EFR3B: variants seen among roughly 807,000 people sequenced by gnomAD.
EFR3B encodes the protein protein EFR3 homolog B.
In EFR3B, 64 loss-of-function variants were observed where a neutral mutation model predicts 104.7. The ratio of observed to expected loss-of-function variants is 0.61; its 90% CI spans 0.50 to 0.75. EFR3B has a LOEUF of 0.75. Ranked by LOEUF, EFR3B falls within the 30% of genes least tolerant of loss-of-function variation. EFR3B has a pLI of 0.00. For missense variants in EFR3B, 750 were observed against 1,078.5 expected, an observed-to-expected ratio of 0.70 and a Z score of 4.27; for synonymous variants, 385 against 417.9, an observed-to-expected ratio of 0.92 and a Z score of 0.96.
At chr2:25,126,679 A>T (rs1399264755) in intron 5 of EFR3B, among the ~76,000 whole-genome samples, 1 of 151,214 alleles carries the variant, frequency 6.6e-6, no homozygotes, top group Non-Finnish European at 1.5e-5. Context: ...AATTTTTTGT[A>T]GAGATGAGAT....
At chr2:25,074,552 G>A (rs576283259) in intron 1 of EFR3B, among the ~76,000 whole-genome samples, 3 of 151,176 alleles carry the variant, frequency 2.0e-5, no homozygotes, top group East Asian at 1.9e-4. Flanking sequence ...GTGACAGAGC[G>A]AGACTCCATC....
chr2:25,157,422 C>T lies in EFR3B; in HGVS notation c.*3082C>T, dbSNP rs2149217229. 2 of 152,460 alleles carry T rather than the reference C, an allele frequency of 1.3e-5. No individual in the cohort carries two copies. The highest frequency in any genetic ancestry group is 4.1e-4 in the South Asian group (2 of 4,824). 9.4% of individuals were successfully genotyped at this position (152,460 alleles called of 1,614,324 possible). ...ATGGGATCTGGAGGGGAGGGAGGTA[C>T]CCTGGCCCTTGGTCTAGCATCAGTG... On this transcript the variant is annotated 3_prime_UTR_variant, in exon 23 of 23. Transcript: ENST00000403714.
In EFR3B at chr2:25,114,029, A is replaced by G. The variant is rs1669794975; in HGVS notation, c.364-7644A>G. Among the ~76,000 whole-genome samples the G allele has an allele frequency of 6.6e-6, 1 of 152,158 alleles. No homozygotes were observed. ...AATCATAGCACTACACTGCCTCTTT[A>G]AGAGGGAAAAGGGCTTACTCGCTCT... On this transcript the variant is annotated intron_variant, in intron 4 of 22. Coordinates refer to ENST00000403714, the MANE Select transcript of EFR3B (RefSeq NM_014971.2). The surrounding 1 kb of genome is among the most constrained non-coding windows in gnomAD (Gnocchi z 4.0).
At chr2:25,101,084 G>T (rs1216480131) in intron 3 of EFR3B, among the ~76,000 whole-genome samples, 1 of 152,202 alleles carries the variant, frequency 6.6e-6, no homozygotes, top group Non-Finnish European at 1.5e-5. Context: ...GCTATTTAGA[G>T]TATAAAGAAA....
intron 3 of EFR3B, among the ~76,000 whole-genome samples, chr2:25,093,883 A>G (rs911793959): frequency 5.9e-5 from 9 of 152,220 alleles, no homozygotes; most frequent in African/African-American, 2.2e-4. Context: ...ATATTTATCA[A>G]TCTTCTGAAA....
chr2:25,118,307 A>G (rs1669918556), intron 4 of EFR3B, among the ~76,000 whole-genome samples: 2 of 152,168 alleles, frequency 1.3e-5, no homozygotes, highest in Admixed American at 6.5e-5. Context: ...GATTGCACAT[A>G]TGAGTGAGAT....
intron 12 of EFR3B, among the ~76,000 whole-genome samples, chr2:25,133,935 C>T (rs969562192): frequency 6.6e-6 from 1 of 152,170 alleles, no homozygotes; most frequent in Admixed American, 6.5e-5. Context: ...AACACCATTC[C>T]GATGACAGTC....
At chr2:25,081,923 T>C (rs575352146) in intron 1 of EFR3B, among the ~76,000 whole-genome samples, 28 of 151,962 alleles carry the variant, frequency 1.8e-4, no homozygotes, top group Non-Finnish European at 3.7e-4. Flanking sequence ...GTTTGAGACT[T>C]TGTTTGTTTC....
chr2:25,062,323 G>A (rs1668218890), intron 1 of EFR3B, among the ~76,000 whole-genome samples: 1 of 152,230 alleles, frequency 6.6e-6, no homozygotes, highest in African/African-American at 2.4e-5. Context: ...GACTTTGTGA[G>A]GGGATTAGCA....
In EFR3B at chr2:25,131,533, G is replaced by T. The variant is rs1251080706; in HGVS notation, c.985+30G>T. The T allele has an allele frequency of 1.3e-6, 2 of 1,544,980 alleles. No individual in the cohort carries two copies. Among genetic ancestry groups the T allele is most frequent in the African/African-American group, 1.4e-5 (1 of 72,988 alleles). On this transcript the variant is annotated intron_variant, in intron 9 of 22. Coordinates refer to ENST00000403714, the MANE Select transcript of EFR3B (RefSeq NM_014971.2). This position sits in a 1 kb window ranked among gnomAD's most constrained non-coding sequence, Gnocchi z 7.6. ...GGGGCATGGCTAGGGCCTGAGGGCC[G>T]GGGACCCCGCGGAGGCTGCCGCCTC... is the stretch of plus-strand genomic sequence containing the variant.
rs571094273 is a variant in EFR3B, at chr2:25,149,314, C to T, written c.2143-380C>T. Reference sequence around the variant, plus strand: ...AGTGAGCCAAGATCATGCCACTACACTCCAGCCTGGGCGACAGAGTAAGAC... The same window carrying T: ...AGTGAGCCAAGATCATGCCACTACATTCCAGCCTGGGCGACAGAGTAAGAC... On this transcript the variant is annotated intron_variant, in intron 19 of 22. Transcript: ENST00000403714. Among the ~76,000 whole-genome samples the T allele has an allele frequency of 1.6e-4, 25 of 152,324 alleles. No homozygotes were observed. In the South Asian group the frequency reaches 5.0e-3, roughly 30 times the overall value.
At chr2:25,044,244 G>A (rs935954407) in intron 1 of EFR3B, among the ~76,000 whole-genome samples, 8 of 152,348 alleles carry the variant, frequency 5.3e-5, no homozygotes, top group Admixed American at 5.2e-4. Context: ...AGCTTGGGTG[G>A]GAAATTACTA....
Position 25,113,564 on chromosome 2 carries a change from A to T in EFR3B, c.364-8109A>T, listed in dbSNP as rs969927231. ...GCGCCTGTAGTGCCAGCTACTCGGGAGGCTGAGTCAGGAGAATGGCATGAA... is the reference window on the plus strand; with the variant it reads ...GCGCCTGTAGTGCCAGCTACTCGGGTGGCTGAGTCAGGAGAATGGCATGAA... On this transcript the variant is annotated intron_variant, in intron 4 of 22. Transcript: ENST00000403714. Among the ~76,000 whole-genome samples the T allele has an allele frequency of 1.6e-4, 25 of 151,754 alleles. 2 individuals are homozygous for T. The highest frequency in any genetic ancestry group is 1.5e-3 in the Admixed American group (23 of 15,252).
At chr2:25,124,811 C>T (rs1670121248) in intron 5 of EFR3B, among the ~76,000 whole-genome samples, 1 of 146,818 alleles carries the variant, frequency 6.8e-6, no homozygotes, top group Non-Finnish European at 1.5e-5. Context: ...ATGGCCAGCA[C>T]TTTGGGAGGC....
chr2:25,131,600 C>T lies in EFR3B; in HGVS notation c.985+97C>T. The T allele has an allele frequency of 6.6e-7, 1 of 1,509,536 alleles. No homozygotes were observed. The highest frequency in any genetic ancestry group is 8.9e-7 in the Non-Finnish European group (1 of 1,123,310). 93.5% of individuals were successfully genotyped at this position (1,509,536 alleles called of 1,614,324 possible). A position where few individuals can be genotyped will look rare whatever the true frequency, so the allele number is the denominator to read the frequency against. Reference sequence around the variant, plus strand: ...GGGACAACAGGGAGGGGTCGGAGTCCGTTTTCCTCGGGAGAAGTCCGCCAG... The same window carrying T: ...GGGACAACAGGGAGGGGTCGGAGTCTGTTTTCCTCGGGAGAAGTCCGCCAG... On this transcript the variant is annotated intron_variant, in intron 9 of 22. Coordinates refer to ENST00000403714, the MANE Select transcript of EFR3B (RefSeq NM_014971.2). The surrounding 1 kb of genome is among the most constrained non-coding windows in gnomAD (Gnocchi z 7.6).
At chr2:25,079,722 T>C (rs987341954) in intron 1 of EFR3B, among the ~76,000 whole-genome samples, 1 of 152,240 alleles carries the variant, frequency 6.6e-6, no homozygotes, top group Non-Finnish European at 1.5e-5. Context: ...CATTATAGGT[T>C]CTTTATACAA....
intron 1 of EFR3B, among the ~76,000 whole-genome samples, chr2:25,069,565 G>A (rs550002519): frequency 6.6e-6 from 1 of 152,370 alleles, no homozygotes; most frequent in African/African-American, 2.4e-5. Context: ...GACTGCTCCT[G>A]CAGGGCAGGG....
intron 1 of EFR3B, 66 bp from the exon 2 acceptor site, chr2:25,091,259 T>TGGCTCC: frequency 1.3e-6 from 2 of 1,491,778 alleles, no homozygotes; most frequent in South Asian, 1.2e-5. Context: ...GCCCTGGCCC[T>TGGCTCC]GGCTCCAACC....
chr2:25,045,621 A>G (rs1358756779), intron 1 of EFR3B, among the ~76,000 whole-genome samples: 3 of 151,822 alleles, frequency 2.0e-5, no homozygotes, highest in Non-Finnish European at 1.5e-5. Flanking sequence ...GTCTCTACCA[A>G]AAGTACAGAA....
Sources: allele counts gnomAD v4.1 joint callset (sites outside exome capture counted in the v4.1 genomes callset), GRCh38; gene constraint gnomAD v4.1.1; non-coding constraint Gnocchi (gnomAD v3.1); transcripts MANE v1.5; gene names NCBI Gene and HGNC (gene_info 2026-07-23, HGNC 2026-07-21).